The following NCR1 variants were observed in gnomAD, a reference collection of about 807,000 sequenced individuals.
NCR1 encodes the protein natural cytotoxicity triggering receptor 1.
NCR1 carries 30 observed loss-of-function variants against 32.5 expected under a neutral mutation model. That is an observed-to-expected ratio of 0.92 (90% CI 0.69 to 1.25). NCR1 has a LOEUF of 1.25. NCR1 is among the 50% of genes most tolerant of loss of function. NCR1 has a pLI of 0.00. For missense variants in NCR1, 369 were observed against 380.7 expected (o/e 0.97, Z 0.26); for synonymous variants, 169 against 143.4 (o/e 1.18, Z -1.28).
At chr19:54,930,579 C>G in the NCR1 span, 1 of 1,612,202 alleles carries the variant, frequency 6.2e-7, no homozygotes. Flanking sequence ...GGTTGATACT[C>G]AAGTCCAGGT....
At chr19:54,919,895 A>C (rs186812915), downstream of NCR1, among the ~76,000 whole-genome samples, 2,099 of 151,918 alleles carry the variant, frequency 0.014, 95 homozygotes, top group East Asian at 0.11. Flanking sequence ...GAAGGCTCGC[A>C]CTCTTGTCTT....
rs768802738 is a variant in NCR1 at position 54,910,114 on chromosome 19, G to A, written c.682+49G>A. ...TCAGACGAGCGATCAGAGCCTCCCA[G>A]TGACACTAAAAACGTGGCATTCATT... On this transcript the variant is annotated intron_variant, in intron 5 of 6. Transcript: ENST00000291890. The A allele has an allele frequency of 6.4e-6, 10 of 1,563,872 alleles. No individual in the cohort carries two copies. The East Asian group carries it at 1.8e-4, about 28-fold the overall frequency.
Position 54,909,934 on chromosome 19 carries a change from CAAAAAAA to C in NCR1, c.635-68_635-62del, listed in dbSNP as rs11345154. On this transcript the variant is annotated intron_variant, in intron 4 of 6. Coordinates refer to ENST00000291890, the MANE Select transcript of NCR1 (RefSeq NM_004829.7). ...TGGGCGACAGAGCAAGACTCCATCT[CAAAAAAA>C]AAAAAAAAAAAAAAAGAATGGCAAG... is the stretch of plus-strand genomic sequence containing the variant. 8.0e-4 allele frequency: 489 copies of C among 611,332 alleles called. 2 individuals carry two copies. Among genetic ancestry groups the C allele is most frequent in the South Asian group, 2.1e-3 (104 of 50,672 alleles). 37.9% of individuals were successfully genotyped at this position (611,332 alleles called of 1,614,324 possible).
chr19:54,936,478 ATTGT>A, the NCR1 span: 1 of 1,483,286 alleles, frequency 6.7e-7, no homozygotes, highest in South Asian at 1.1e-5. Flanking sequence ...TAATACTCAC[ATTGT>A]GTGGAGGCAT....
At chr19:54,906,251 T>A (rs2067601266) in intron 1 of NCR1, 30 bp downstream of exon 1, 1 of 1,614,128 alleles carries the variant, frequency 6.2e-7, no homozygotes, top group African/African-American at 1.3e-5. Context: ...GGGAATGGGA[T>A]CACGGTGTGC....
the NCR1 span, among the ~76,000 whole-genome samples, chr19:54,928,469 C>T: frequency 6.6e-6 from 1 of 152,022 alleles, no homozygotes; most frequent in East Asian, 1.9e-4. Flanking sequence ...GGGGAGTGAG[C>T]AGAAGAAATC....
the NCR1 span, among the ~76,000 whole-genome samples, chr19:54,922,128 G>C: frequency 6.6e-6 from 1 of 151,866 alleles, no homozygotes. Flanking sequence ...CCTGACCTCA[G>C]GTGATCCGCC....
downstream of NCR1, among the ~76,000 whole-genome samples, chr19:54,915,282 C>T (rs939808895): frequency 7.9e-5 from 12 of 152,098 alleles, no homozygotes; most frequent in Non-Finnish European, 2.9e-5. Flanking sequence ...TGAGACTTCT[C>T]ACTAGGGGTC....
At chr19:54,934,697 A>G in the NCR1 span, 3 of 1,562,448 alleles carry the variant, frequency 1.9e-6, no homozygotes, top group Non-Finnish European at 2.6e-6. The surrounding 1 kb of genome is among the most constrained non-coding windows in gnomAD (Gnocchi z 6.7). Flanking sequence ...TTCTGGGAGG[A>G]CAGAGTATAC....
chr19:54,922,062 A>G, the NCR1 span, among the ~76,000 whole-genome samples: 1 of 151,638 alleles, frequency 6.6e-6, no homozygotes, highest in Non-Finnish European at 1.5e-5. Context: ...CCACCCGGCT[A>G]ATTTTGTATT....
chr19:54,932,313 AG>A, the NCR1 span, among the ~76,000 whole-genome samples: 1 of 152,016 alleles, frequency 6.6e-6, no homozygotes, highest in African/African-American at 2.4e-5. Context: ...CTGTAATCCC[AG>A]CTACTTGGGA....
At chr19:54,912,056 T>C (rs1179539951) in intron 5 of NCR1, 112 bp from the exon 6 acceptor site, 4 of 902,730 alleles carry the variant, frequency 4.4e-6, no homozygotes, top group Non-Finnish European at 5.5e-6. Context: ...ACCCGCAGGG[T>C]GAGGTGGGAC....
At chr19:54,920,773 C>A (rs1019829849), downstream of NCR1, among the ~76,000 whole-genome samples, 3 of 152,192 alleles carry the variant, frequency 2.0e-5, no homozygotes, top group African/African-American at 7.2e-5. Context: ...GCTAAGATCG[C>A]ACCATTGCAC....
At chr19:54,927,026 G>T in the NCR1 span, among the ~76,000 whole-genome samples, 14 of 151,924 alleles carry the variant, frequency 9.2e-5, no homozygotes, top group African/African-American at 3.4e-4. Context: ...TGAGAAGGAG[G>T]CTGCAGTGAG....
chr19:54,925,860 CGTG>C, the NCR1 span, among the ~76,000 whole-genome samples: 80 of 151,770 alleles, frequency 5.3e-4, 2 homozygotes, highest in South Asian at 0.017. Context: ...ATTAGCCGGG[CGTG>C]GTGGCGGGCG....
chr19:54,925,688 AG>A, the NCR1 span, among the ~76,000 whole-genome samples: 2 of 152,074 alleles, frequency 1.3e-5, no homozygotes, highest in Admixed American at 1.3e-4. Context: ...AAGAAACTAA[AG>A]GTAGATTACG....
the NCR1 span, among the ~76,000 whole-genome samples, chr19:54,937,790 G>A: frequency 9.9e-5 from 15 of 151,298 alleles, no homozygotes; most frequent in East Asian, 1.9e-4. Context: ...CCAGCTACTC[G>A]GGAGGCTGAG....
At chr19:54,910,956 A>G (rs1486506019) in intron 5 of NCR1, among the ~76,000 whole-genome samples, 23 of 152,214 alleles carry the variant, frequency 1.5e-4, no homozygotes, top group Admixed American at 1.5e-3. Flanking sequence ...GGGCAGGAAG[A>G]TAACTGGGGT....
At chr19:54,925,674 C>T in the NCR1 span, among the ~76,000 whole-genome samples, 1 of 151,980 alleles carries the variant, frequency 6.6e-6, no homozygotes, top group Admixed American at 6.6e-5. Context: ...AAGACAAAGG[C>T]AAGAAGAAAC....
Sources: gnomAD v4.1 joint callset for allele counts (sites outside exome capture counted in the v4.1 genomes callset) on GRCh38, gnomAD v4.1.1 for gene constraint, Gnocchi (gnomAD v3.1) non-coding constraint, MANE v1.5 for transcripts, NCBI Gene and HGNC (gene_info 2026-07-23, HGNC 2026-07-21) for gene names.